The following DLG2 variants were observed in gnomAD, a reference collection of about 807,000 sequenced individuals.
The protein encoded by DLG2 is discs large MAGUK scaffold protein 2.
Under a neutral mutation model 132.5 loss-of-function variants are expected in DLG2, and 45 were observed. The ratio of observed to expected loss-of-function variants is 0.34; its 90% CI spans 0.27 to 0.44. DLG2 has a LOEUF of 0.44. Among genes scored for constraint, DLG2 ranks in the 20% least tolerant of loss-of-function variants. DLG2 has a pLI of 1.00. For synonymous variants in DLG2, 424 were observed against 419.6 expected (o/e 1.01, Z -0.13); for missense variants, 1,045 against 1,196.9 (o/e 0.87, Z 1.87).
intron 9 of DLG2, among the ~76,000 whole-genome samples, chr11:84,158,553 G>A (rs2095480151): frequency 6.6e-6 from 1 of 152,140 alleles, no homozygotes; most frequent in South Asian, 2.1e-4. Flanking sequence ...TTTTTGGCAA[G>A]TGATTTAATC....
At chr11:84,859,441 T>C (rs544408701) in intron 6 of DLG2, among the ~76,000 whole-genome samples, 7 of 145,466 alleles carry the variant, frequency 4.8e-5, no homozygotes, top group African/African-American at 1.8e-4. Flanking sequence ...TATATGTATA[T>C]ATACATACAT....
intron 8 of DLG2, among the ~76,000 whole-genome samples, chr11:84,231,429 A>G (rs2097092239): frequency 6.6e-6 from 1 of 152,184 alleles, no homozygotes; most frequent in African/African-American, 2.4e-5. Flanking sequence ...TCAGTGATAC[A>G]ACTACAGAAA....
chr11:85,070,797 T>G (rs911707750), intron 6 of DLG2, among the ~76,000 whole-genome samples: 1 of 151,828 alleles, frequency 6.6e-6, no homozygotes, highest in Admixed American at 6.6e-5. Flanking sequence ...GCCCAAGCCA[T>G]CTTCTTTGTT....
At chr11:84,758,582 G>C (rs182151015) in intron 6 of DLG2, among the ~76,000 whole-genome samples, 1 of 152,034 alleles carries the variant, frequency 6.6e-6, no homozygotes, top group East Asian at 1.9e-4. Flanking sequence ...TTACCCTATA[G>C]TTTTCTCCCC....
intron 7 of DLG2, among the ~76,000 whole-genome samples, chr11:84,373,576 A>G (rs1173298936): frequency 7.5e-6 from 1 of 133,398 alleles, no homozygotes; most frequent in Non-Finnish European, 1.8e-5. Flanking sequence ...TCTAAAAAGA[A>G]AAAAAAAAGA....
chr11:84,672,354 C>T (rs2153694333), intron 6 of DLG2, among the ~76,000 whole-genome samples: 1 of 152,184 alleles, frequency 6.6e-6, no homozygotes, highest in Non-Finnish European at 1.5e-5. Flanking sequence ...AGAAGCATAT[C>T]TCAGGCAAAG....
intron 3 of DLG2, among the ~76,000 whole-genome samples, chr11:85,463,725 C>A (rs935461828): frequency 1.2e-4 from 19 of 152,022 alleles, no homozygotes; most frequent in Admixed American, 1.2e-3. Context: ...GAGCTATAAT[C>A]ATGCCACTGC....
chr11:84,981,769 C>A (rs761990199), intron 6 of DLG2, among the ~76,000 whole-genome samples: 14 of 152,258 alleles, frequency 9.2e-5, no homozygotes, highest in Admixed American at 2.0e-4. Flanking sequence ...CTCCCTTTCA[C>A]AGCCAAAACT....
At chr11:84,942,725 G>A (rs939414733) in intron 6 of DLG2, among the ~76,000 whole-genome samples, 8 of 152,154 alleles carry the variant, frequency 5.3e-5, no homozygotes, top group Admixed American at 3.9e-4. Flanking sequence ...TTCTGTAAAC[G>A]TGTATTAGGT....
intron 6 of DLG2, among the ~76,000 whole-genome samples, chr11:84,946,285 C>T (rs1455331666): frequency 6.6e-6 from 1 of 152,112 alleles, no homozygotes; most frequent in Non-Finnish European, 1.5e-5. Flanking sequence ...CAGAAGGAAT[C>T]CCTTCTCCAT....
chr11:84,149,788 G>T (rs910993709), intron 9 of DLG2, among the ~76,000 whole-genome samples: 2 of 151,826 alleles, frequency 1.3e-5, no homozygotes, highest in Non-Finnish European at 2.9e-5. Context: ...GTCACCCAAT[G>T]CAATGACATT....
At chr11:85,064,741 A>T (rs561004863) in intron 6 of DLG2, among the ~76,000 whole-genome samples, 20 of 151,772 alleles carry the variant, frequency 1.3e-4, no homozygotes, top group Non-Finnish European at 2.7e-4. Flanking sequence ...ATTAAAACAG[A>T]TTACCCTTCA....
intron 5 of DLG2, among the ~76,000 whole-genome samples, chr11:85,133,851 T>C (rs1235483881): frequency 6.6e-6 from 1 of 152,188 alleles, no homozygotes; most frequent in Non-Finnish European, 1.5e-5. Flanking sequence ...ATCCCTCCCT[T>C]TCTTCTAGTA....
At chr11:84,509,871 A>G (rs1224327321) in intron 7 of DLG2, among the ~76,000 whole-genome samples, 1 of 152,072 alleles carries the variant, frequency 6.6e-6, no homozygotes, top group African/African-American at 2.4e-5. Flanking sequence ...ATCTAATCAG[A>G]AGGAGATAAT....
chr11:85,414,777 C>T (rs1204230407), intron 3 of DLG2, among the ~76,000 whole-genome samples: 4 of 152,004 alleles, frequency 2.6e-5, no homozygotes. Flanking sequence ...TTGGGTAGCT[C>T]CAGTGTTAGG....
intron 5 of DLG2, among the ~76,000 whole-genome samples, chr11:85,121,429 C>T (rs1048201421): frequency 4.0e-5 from 6 of 150,796 alleles, no homozygotes; most frequent in Non-Finnish European, 5.9e-5. Context: ...ATAATTTTCC[C>T]CAAAAAATAC....
intron 15 of DLG2, among the ~76,000 whole-genome samples, chr11:83,878,727 G>A (rs2065386958): frequency 6.6e-6 from 1 of 152,174 alleles, no homozygotes; most frequent in African/African-American, 2.4e-5. Context: ...ACAATGAATA[G>A]TGGGTGGGTA....
intron 19 of DLG2, among the ~76,000 whole-genome samples, chr11:83,630,710 AG>A (rs2063401191): frequency 6.6e-6 from 1 of 152,156 alleles, no homozygotes; most frequent in South Asian, 2.1e-4. Context: ...TGTGGGGAGA[AG>A]TATGGGACTG....
chr11:85,281,615 C>T (rs923965110), intron 4 of DLG2, among the ~76,000 whole-genome samples: 2 of 151,968 alleles, frequency 1.3e-5, no homozygotes, highest in African/African-American at 4.8e-5. Context: ...ATAGTAAAAT[C>T]TTTCCAATAG....
Sources: allele counts gnomAD v4.1 joint callset (sites outside exome capture counted in the v4.1 genomes callset), GRCh38; gene constraint gnomAD v4.1.1; transcripts MANE v1.5; gene names NCBI Gene and HGNC (gene_info 2026-07-23, HGNC 2026-07-21).